The following SOS1 variants were observed in gnomAD, a reference collection of about 807,000 sequenced individuals.
SOS1 encodes son of sevenless homolog 1.
In SOS1, 25 loss-of-function variants were observed where a neutral mutation model predicts 157.6. The ratio of observed to expected loss-of-function variants is 0.16; its 90% confidence interval spans 0.12 to 0.22. The LOEUF (loss-of-function observed/expected upper bound fraction) is 0.22. SOS1 is among the 10% of genes least tolerant of loss of function. SOS1 has a pLI of 1.00. For synonymous variants in SOS1, 528 were observed against 534.0 expected (o/e 0.99, Z 0.16); for missense variants, 1,237 against 1,599.1 (o/e 0.77, Z 3.86).
At chr2:39,091,896 T>C (rs1255201872) in intron 1 of SOS1, among the ~76,000 whole-genome samples, 1 of 152,204 alleles carries the variant, frequency 6.6e-6, no homozygotes, top group East Asian at 1.9e-4. Flanking sequence ...TTTACTCCAA[T>C]GGACACAACA....
chr2:39,100,561 G>T (rs1445352571), intron 1 of SOS1, among the ~76,000 whole-genome samples: 1 of 152,280 alleles, frequency 6.6e-6, no homozygotes, highest in Non-Finnish European at 1.5e-5. Flanking sequence ...GCCAGACACT[G>T]AAAGAAAATA....
chr2:39,072,360 G>A (rs1671820953), intron 1 of SOS1, among the ~76,000 whole-genome samples: 1 of 152,096 alleles, frequency 6.6e-6, no homozygotes, highest in African/African-American at 2.4e-5. Context: ...GAGGTGAGGG[G>A]AATAAAATAT....
chr2:39,092,410 G>A (rs1293549217), intron 1 of SOS1, among the ~76,000 whole-genome samples: 1 of 152,028 alleles, frequency 6.6e-6, no homozygotes, highest in Non-Finnish European at 1.5e-5. Flanking sequence ...GAACATTCTG[G>A]TCTCTTCTCA....
At chr2:39,014,871 T>A in intron 10 of SOS1, 25 bp from the exon 11 acceptor site, 1 of 1,142,404 alleles carries the variant, frequency 8.8e-7, no homozygotes, top group Non-Finnish European at 1.3e-6. Flanking sequence ...GAAAAATATC[T>A]TATTAAACTC....
chr2:39,124,172 GACAAA>G (rs1274871829), upstream of SOS1: 1 of 152,330 alleles, frequency 6.6e-6, no homozygotes, highest in East Asian at 1.9e-4. Context: ...TATCTCTTGG[GACAAA>G]ACAAAACACC....
intron 18 of SOS1, 89 bp from the exon 19 acceptor site, chr2:38,997,127 A>T: frequency 1.9e-6 from 2 of 1,040,898 alleles, no homozygotes; most frequent in Non-Finnish European, 2.9e-6. Context: ...CATTTAATAC[A>T]AGTAAATTTG....
At chr2:39,124,598 C>G (rs1176506782), upstream of SOS1, among the ~76,000 whole-genome samples, 1 of 152,272 alleles carries the variant, frequency 6.6e-6, no homozygotes, top group African/African-American at 2.4e-5. Context: ...ACGCGGCCAC[C>G]TGGTTCTCTG....
At chr2:39,094,990 A>G (rs913087056) in intron 1 of SOS1, among the ~76,000 whole-genome samples, 1 of 152,090 alleles carries the variant, frequency 6.6e-6, no homozygotes, top group African/African-American at 2.4e-5. Context: ...ATATAATACA[A>G]ATAAAAGTAG....
intron 1 of SOS1, among the ~76,000 whole-genome samples, chr2:39,094,142 TTTTG>T (rs895560957): frequency 1.6e-4 from 24 of 152,280 alleles, no homozygotes; most frequent in African/African-American, 4.1e-4. Flanking sequence ...CTAATTTTTT[TTTTG>T]TTTGTTTTGG....
Position 38,983,051 on chromosome 2 carries a change from G to A in SOS1, c.*2773C>T, listed in dbSNP as rs1402610490. The A allele has an allele frequency of 6.6e-6, 1 of 152,090 alleles. No individual in the cohort carries two copies. Among genetic ancestry groups the A allele is most frequent in the Non-Finnish European group, 1.5e-5 (1 of 68,000 alleles). 9.4% of individuals were successfully genotyped at this position (152,090 alleles called of 1,614,324 possible). A position where few individuals can be genotyped will look rare whatever the true frequency, so the allele number is the denominator to read the frequency against. ...TTAATTAAGCGAACTCTCAATGTAT[G>A]TTTCCTGATAATGTGTAGTCTTAAA... On this transcript the variant is annotated 3_prime_UTR_variant, in exon 23 of 23. Transcript: ENST00000402219.
In SOS1 at chr2:39,052,922, G is replaced by A. The variant is rs895314558; in HGVS notation, c.721-1635C>T. ...AATTCCAGCATTTTGGGAGGCCAAG[G>A]CTGGCAGATCACTTGAGGTCAGGAG... On this transcript the variant is annotated intron_variant, in intron 5 of 22. Coordinates refer to ENST00000402219, the MANE Select transcript of SOS1 (RefSeq NM_005633.4). Among the ~76,000 whole-genome samples the A allele has an allele frequency of 3.9e-5, 6 of 152,190 alleles. 1 individual carries two copies. The highest frequency in any genetic ancestry group is 1.4e-4 in the African/African-American group (6 of 41,444).
chr2:39,097,746 G>A (rs1245917913), intron 1 of SOS1, among the ~76,000 whole-genome samples: 1 of 151,912 alleles, frequency 6.6e-6, no homozygotes, highest in Non-Finnish European at 1.5e-5. Context: ...TGCATTTTTG[G>A]TAGGGATGGA....
At chr2:39,037,938 A>G (rs148562652) in intron 6 of SOS1, among the ~76,000 whole-genome samples, 3 of 152,354 alleles carry the variant, frequency 2.0e-5, no homozygotes, top group African/African-American at 7.2e-5. Context: ...AATTTCTTTC[A>G]AAATATTGAC....
chr2:39,018,434 TA>T (rs943625139), intron 10 of SOS1, among the ~76,000 whole-genome samples: 2 of 151,944 alleles, frequency 1.3e-5, no homozygotes, highest in African/African-American at 4.8e-5. Flanking sequence ...ACAGCTAGGT[TA>T]TTTTCAAACA....
Position 39,007,288 on chromosome 2 carries a change from G to A in SOS1, c.2511-95C>T, listed in dbSNP as rs1014844440. 38 of 822,400 alleles carry A rather than the reference G, an allele frequency of 4.6e-5. 1 individual carries two copies. Among genetic ancestry groups the A allele is most frequent in the South Asian group, 4.5e-4 (32 of 70,886 alleles). 50.9% of individuals were successfully genotyped at this position (822,400 alleles called of 1,614,324 possible). On this transcript the variant is annotated intron_variant, in intron 15 of 22. Transcript: ENST00000402219. ...AGTAAATAAAATAATGTAGAGAGTA[G>A]GGGGGTGGCGATAGTATAACTACTA... is the stretch of plus-strand genomic sequence containing the variant.
chr2:38,991,380 G>GTTGT (rs1036718653), intron 20 of SOS1, among the ~76,000 whole-genome samples: 1 of 152,162 alleles, frequency 6.6e-6, no homozygotes, highest in African/African-American at 2.4e-5. Context: ...CATTCTTTTT[G>GTTGT]TTGTTAAAGA....
intron 1 of SOS1, among the ~76,000 whole-genome samples, chr2:39,077,047 A>G (rs1293296193): frequency 6.6e-6 from 1 of 152,212 alleles, no homozygotes; most frequent in Non-Finnish European, 1.5e-5. Flanking sequence ...TAAAATGTGT[A>G]TAAAACCTTT....
At chr2:39,017,488 A>C (rs1047074808) in intron 10 of SOS1, among the ~76,000 whole-genome samples, 1 of 152,038 alleles carries the variant, frequency 6.6e-6, no homozygotes, top group African/African-American at 2.4e-5. Flanking sequence ...TATGCTGTAC[A>C]GGGTTTCTGC....
intron 6 of SOS1, among the ~76,000 whole-genome samples, chr2:39,037,976 A>T (rs549344882): frequency 6.6e-6 from 1 of 152,320 alleles, no homozygotes; most frequent in East Asian, 1.9e-4. Flanking sequence ...AAGAGCTCTG[A>T]TGGAGATATA....
Sources: gnomAD v4.1 joint callset for allele counts (sites outside exome capture counted in the v4.1 genomes callset) on GRCh38, gnomAD v4.1.1 for gene constraint, MANE v1.5 for transcripts, NCBI Gene and HGNC (gene_info 2026-07-23, HGNC 2026-07-21) for gene names.